KRT12: variants seen among roughly 807,000 people sequenced by gnomAD.
KRT12 encodes keratin 12.
KRT12 carries 43 observed loss-of-function variants against 50.2 expected under a neutral mutation model. That is an observed-to-expected ratio of 0.86 (90% confidence interval 0.67 to 1.11). The LOEUF is 1.11. Among genes scored for constraint, KRT12 ranks in the 50% least tolerant of loss-of-function variants. The pLI, the probability that KRT12 is intolerant of heterozygous loss-of-function variation, is 0.00. For missense variants in KRT12, 588 were observed against 625.6 expected (o/e 0.94, Z 0.64); for synonymous variants, 257 against 253.6 (o/e 1.01, Z -0.13).
chr17:40,863,265 T>C lies in KRT12; in HGVS notation c.1174A>G (p.Ser392Gly), dbSNP rs1906872385. 3.1e-6 allele frequency: 5 copies of C among 1,614,020 alleles called. No homozygotes were observed. In the East Asian group the frequency reaches 8.9e-5, roughly 29 times the overall value. The change falls in exon 6 of 8, where the codon AGC becomes GGC. Residue 392 changes from serine to glycine, a missense_variant. Ser to Gly is a moderately conservative substitution (Grantham distance 56). Coordinates refer to ENST00000251643, the MANE Select transcript of KRT12 (RefSeq NM_000223.4). This position sits in a 1 kb window ranked among gnomAD's most constrained non-coding sequence, Gnocchi z 4.2. ...AQLSQVQQLI[S>G]NLEAQLLQVR... is the part of the protein sequence containing the mutation. ...TGGAGCAGCTGTGCCTCCAGGTTGC[T>C]GATGAGCTGCTGCACCTGGGACAGC...
chr17:40,865,061 C>T, intron 2 of KRT12, 99 bp from the exon 3 acceptor site: 1 of 1,262,788 alleles, frequency 7.9e-7, no homozygotes, highest in Non-Finnish European at 1.1e-6. Context: ...TGTGCACCTA[C>T]TTAATAATGG....
intron 3 of KRT12, among the ~76,000 whole-genome samples, chr17:40,864,308 A>G (rs1906926836): frequency 6.6e-6 from 1 of 152,110 alleles, no homozygotes; most frequent in African/African-American, 2.4e-5. Flanking sequence ...TTGTGCCACA[A>G]TCATCGAAAA....
rs757586930 is a variant in KRT12, at chr17:40,866,838, C to A, written c.349G>T (p.Asp117Tyr). 8 of 1,614,170 alleles carry A rather than the reference C, an allele frequency of 5.0e-6. No homozygotes were observed. The South Asian group carries it at 8.8e-5, about 18-fold the overall frequency. Residue 117 changes from aspartate (D) to tyrosine (Y), a missense_variant, in exon 1 of 8, where the codon GAT becomes TAT. Asp to Tyr is a radical substitution (Grantham distance 160). Transcript: ENST00000251643. ...GGSLGILSGN[D>Y]GGLLSGSEKE... ...TCTGATCCAGAAAGAAGGCCTCCATCATTGCCCGAGAGAATACCTAGAGAG... is the reference window on the plus strand; with the variant it reads ...TCTGATCCAGAAAGAAGGCCTCCATAATTGCCCGAGAGAATACCTAGAGAG...
rs780612518 is a variant in KRT12 at position 40,863,800 on chromosome 17, C to A, written c.872G>T (p.Gly291Val). 34 of 1,612,348 alleles carry A rather than the reference C, an allele frequency of 2.1e-5. No individual in the cohort carries two copies. Among genetic ancestry groups the A allele is most frequent in the Non-Finnish European group, 2.8e-5 (33 of 1,179,902 alleles). ...ATTGAGGAGCCTGGTGAGGTCCACT[C>A]CGGGGGCAGCGTCCATTTCTACGCT... is the stretch of plus-strand genomic sequence containing the variant. ...EVSVEMDAAP[G>V]VDLTRLLNDM... The change falls in exon 4 of 8, where the codon GGA (glycine) becomes GTA (valine). Residue 291 changes from glycine to valine, a missense_variant. Transcript: ENST00000251643. The surrounding 1 kb of genome is among the most constrained non-coding windows in gnomAD (Gnocchi z 4.2).
chr17:40,862,234 AT>A (rs968792657), intron 7 of KRT12, among the ~76,000 whole-genome samples: 4 of 151,124 alleles, frequency 2.6e-5, no homozygotes, highest in East Asian at 2.0e-4. Flanking sequence ...ACACCCAGCT[AT>A]TTTTTTTCTT....
Position 40,862,612 on chromosome 17 carries a change from A to G in KRT12, c.1340T>C (p.Phe447Ser). ...AQGDGLEESL[F>S]VTDSKSQAQS... Reference sequence around the variant, plus strand: ...TGCTTGTGATTTGGAGTCTGTCACAAATAAACTTTCCTCCAAACCATCACT... The same window carrying G: ...TGCTTGTGATTTGGAGTCTGTCACAGATAAACTTTCCTCCAAACCATCACT... The change falls in exon 7 of 8, where the codon TTT becomes TCT. Residue 447 changes from phenylalanine to serine, a missense_variant. Phe to Ser is a radical substitution (Grantham distance 155, BLOSUM62 -2). Coordinates refer to ENST00000251643, the MANE Select transcript of KRT12 (RefSeq NM_000223.4). 1 of 1,613,428 alleles carries G rather than the reference A, an allele frequency of 6.2e-7. No individual in the cohort carries two copies.
chr17:40,867,081 A>C lies in KRT12; in HGVS notation c.106T>G (p.Ser36Ala). Reference protein sequence around the residue: ...VIGRPRGMSASSVGSGYGGSA... With the variant: ...VIGRPRGMSAASVGSGYGGSA... ...CCCCCATAACCACTTCCAACACTGG[A>C]AGCAGACATGCCCCTGGGTCTGCCT... The change falls in exon 1 of 8, where the codon TCC becomes GCC. Residue 36 changes from serine to alanine, a missense_variant. Coordinates refer to ENST00000251643, the MANE Select transcript of KRT12 (RefSeq NM_000223.4). 1 of 1,613,592 alleles carries C rather than the reference A, an allele frequency of 6.2e-7. No homozygotes were observed. The highest frequency in any genetic ancestry group is 8.5e-7 in the Non-Finnish European group (1 of 1,179,686).
In KRT12 at chr17:40,863,025, G is replaced by T; in HGVS notation, c.1316+98C>A. On this transcript the variant is annotated intron_variant, in intron 6 of 7. Coordinates refer to ENST00000251643, the MANE Select transcript of KRT12 (RefSeq NM_000223.4). The surrounding 1 kb of genome is among the most constrained non-coding windows in gnomAD (Gnocchi z 4.2). ...ATCTTTACTAGACTTGTGTTTGTTT[G>T]TTTGCTTTTCTGTCAACTAAAACCC... The T allele has an allele frequency of 9.6e-7, 1 of 1,040,580 alleles. No individual in the cohort carries two copies. The highest frequency in any genetic ancestry group is 1.5e-6 in the Non-Finnish European group (1 of 674,256). 64.5% of individuals were successfully genotyped at this position (1,040,580 alleles called of 1,614,324 possible).
chr17:40,862,696 T>A, intron 6 of KRT12, 61 bp from the exon 7 acceptor site: 1 of 1,191,516 alleles, frequency 8.4e-7, no homozygotes. Context: ...TAATGGAAGA[T>A]CTGGTCTGAG....
rs771352143 is a variant in KRT12 at position 40,863,477 on chromosome 17, G to A, written c.1095+8C>T. ...AAGGATGCTACGTCTGTTTGCGCAC[G>A]AGCCTACCATGGCGAGCTGGGACTG... On this transcript the variant is annotated splice_region_variant and intron_variant, in intron 5 of 7. Coordinates refer to ENST00000251643, the MANE Select transcript of KRT12 (RefSeq NM_000223.4). The surrounding 1 kb of genome is among the most constrained non-coding windows in gnomAD (Gnocchi z 4.2). The A allele has an allele frequency of 4.3e-6, 7 of 1,614,070 alleles. No homozygotes were observed. Among genetic ancestry groups the A allele is most frequent in the African/African-American group, 2.7e-5 (2 of 74,934 alleles).
chr17:40,862,471 T>G, intron 7 of KRT12, 94 bp downstream of exon 7: 2 of 834,444 alleles, frequency 2.4e-6, no homozygotes, highest in Non-Finnish European at 4.1e-6. Flanking sequence ...AAATTAAAAT[T>G]AATAATAATG....
Position 40,861,432 on chromosome 17 carries a change from A to G in KRT12, c.*229T>C. 1 of 573,298 alleles carries G rather than the reference A, an allele frequency of 1.7e-6. No individual in the cohort carries two copies. Among genetic ancestry groups the G allele is most frequent in the Non-Finnish European group, 3.1e-6 (1 of 321,948 alleles). 35.5% of individuals were successfully genotyped at this position (573,298 alleles called of 1,614,324 possible). Reference sequence around the variant, plus strand: ...AAGACTACTCCAGGTCCAGAAGGATATAAGGTAATTTTGATTTGTTACAAA... The same window carrying G: ...AAGACTACTCCAGGTCCAGAAGGATGTAAGGTAATTTTGATTTGTTACAAA... On this transcript the variant is annotated 3_prime_UTR_variant, in exon 8 of 8. Transcript: ENST00000251643.
rs775787583 is a variant in KRT12, at chr17:40,864,932, G to T, written c.681C>A (p.Gly227=). 2.0e-5 allele frequency: 33 copies of T among 1,614,108 alleles called. No homozygotes were observed. Among genetic ancestry groups the T allele is most frequent in the Non-Finnish European group, 2.7e-5 (32 of 1,180,046 alleles). The part of the protein sequence containing the change: ...KYENELALRQ[G]VEADINGLRR... Reference sequence around the variant, plus strand: ...GCAGGCCATTGATGTCGGCCTCTACGCCCTGGCGCAGGGCCAGTTCATTCT... The same window carrying T: ...GCAGGCCATTGATGTCGGCCTCTACTCCCTGGCGCAGGGCCAGTTCATTCT... The change falls in exon 3 of 8, where the codon GGC becomes GGA. Residue 227 remains glycine, a synonymous_variant. Transcript: ENST00000251643.
Position 40,866,679 on chromosome 17 carries a change from C to T in KRT12, c.508G>A (p.Asp170Asn), listed in dbSNP as rs1390844100. 6.2e-7 allele frequency: 1 copy of T among 1,614,204 alleles called. No homozygotes were observed. Among genetic ancestry groups the T allele is most frequent in the Admixed American group, 1.7e-5 (1 of 60,032 alleles). Residue 170 changes from aspartate to asparagine, a missense_variant, in exon 1 of 8, where the codon GAT (aspartate) becomes AAT (asparagine). Physicochemically the swap from Asp to Asn is conservative, Grantham distance 23. Coordinates refer to ENST00000251643, the MANE Select transcript of KRT12 (RefSeq NM_000223.4). ...WYETRGTGTADASQSDYSKYY... is the reference protein window; with the variant it reads ...WYETRGTGTANASQSDYSKYY... ...TTGCTGTAATCGCTCTGTGAAGCAT[C>T]TGCAGTCCCAGTTCCTCGTGTTTCA...
chr17:40,866,959 G>A lies in KRT12; in HGVS notation c.228C>T (p.Ser76=). The A allele has an allele frequency of 6.2e-7, 1 of 1,601,454 alleles. No individual in the cohort carries two copies. Among genetic ancestry groups the A allele is most frequent in the Admixed American group, 1.7e-5 (1 of 57,700 alleles). ...AACCAGCACCCAGTCCTCCTGCCAT[G>A]GAACTTCCGGAGCCACCCCCAAAGC... is the stretch of plus-strand genomic sequence containing the variant. ...SSGFGGGSGS[S]MAGGLGAGYG... is the part of the protein sequence containing the mutation. The change falls in exon 1 of 8, where the codon TCC becomes TCT. Residue 76 remains serine, a synonymous_variant. Transcript: ENST00000251643.
chr17:40,861,823 G>T (rs1906814680), intron 7 of KRT12, 65 bp from the exon 8 acceptor site: 2 of 1,019,186 alleles, frequency 2.0e-6, no homozygotes, highest in Non-Finnish European at 1.6e-6. Context: ...AACACTGGTT[G>T]TTTAATGTAG....
At position 40,864,799 on chromosome 17, in the gene KRT12, G is replaced by A; in HGVS notation, c.807+7C>T. On this transcript the variant is annotated splice_region_variant and intron_variant, in intron 3 of 7. Transcript: ENST00000251643. Reference sequence around the variant, plus strand: ...GTAGCTGAGTGAGGCTGCCCTGTCTGACTCACATCCTCGTGGTTCTTCTTC... The same window carrying A: ...GTAGCTGAGTGAGGCTGCCCTGTCTAACTCACATCCTCGTGGTTCTTCTTC... 6.2e-7 allele frequency: 1 copy of A among 1,613,646 alleles called. No individual in the cohort carries two copies. The highest frequency in any genetic ancestry group is 8.5e-7 in the Non-Finnish European group (1 of 1,179,868).
rs371259068 is a variant in KRT12 at position 40,867,024 on chromosome 17, C to G, written c.163G>C (p.Gly55Arg). The change falls in exon 1 of 8, where the codon GGA becomes CGA. Residue 55 changes from glycine to arginine, a missense_variant. Physicochemically the swap from Gly to Arg is moderately radical, Grantham distance 125 (BLOSUM62 -2). Coordinates refer to ENST00000251643, the MANE Select transcript of KRT12 (RefSeq NM_000223.4). Reference sequence around the variant, plus strand: ...AACATGGAAGCAGCAGAAAAGCCTCCCCCACAGCTGGCTCCAAAGCCAAAG... The same window carrying G: ...AACATGGAAGCAGCAGAAAAGCCTCGCCCACAGCTGGCTCCAAAGCCAAAG... Reference protein sequence around the residue: ...SAFGFGASCGGGFSAASMFGS... With the variant: ...SAFGFGASCGRGFSAASMFGS... The G allele has an allele frequency of 3.7e-6, 6 of 1,600,242 alleles. No individual in the cohort carries two copies. In the African/African-American group the frequency reaches 8.1e-5, roughly 22 times the overall value.
chr17:40,865,910 G>T (rs1907000929), intron 2 of KRT12, among the ~76,000 whole-genome samples: 1 of 152,204 alleles, frequency 6.6e-6, no homozygotes, highest in Admixed American at 6.5e-5. Context: ...ATCATGAGTT[G>T]AGTCAATAGC....
Sources: gnomAD v4.1 joint callset for allele counts (sites outside exome capture counted in the v4.1 genomes callset) on GRCh38, gnomAD v4.1.1 for gene constraint, Gnocchi (gnomAD v3.1) non-coding constraint, MANE v1.5 for transcripts, NCBI Gene and HGNC (gene_info 2026-07-23, HGNC 2026-07-21) for gene names.